NSD1: variants seen among roughly 807,000 people sequenced by gnomAD.
NSD1 encodes the protein nuclear receptor binding SET domain protein 1, also known as histone-lysine N-methyltransferase, H3 lysine-36 specific.
Under a neutral mutation model 242.7 loss-of-function variants are expected in NSD1, and 26 were observed. The ratio of observed to expected loss-of-function variants is 0.11; its 90% CI spans 0.08 to 0.15. The LOEUF is 0.15. Among genes scored for constraint, NSD1 ranks in the 10% least tolerant of loss-of-function variants. The probability of loss-of-function intolerance (pLI) is 1.00; values close to 1 mark genes in which losing one functional copy is unlikely to be tolerated. For missense variants in NSD1, 2,495 were observed against 3,272.8 expected, an observed-to-expected ratio of 0.76 and a Z score of 5.80; for synonymous variants, 1,106 against 1,178.1, an observed-to-expected ratio of 0.94 and a Z score of 1.25.
intron 2 of NSD1, among the ~76,000 whole-genome samples, chr5:177,151,337 T>C (rs1757679870): frequency 6.6e-6 from 1 of 152,244 alleles, no homozygotes; most frequent in Non-Finnish European, 1.5e-5. Context: ...TGAGCCAAGA[T>C]TGTGCCATTG....
intron 2 of NSD1, among the ~76,000 whole-genome samples, chr5:177,158,245 C>CTT (rs1393517942): frequency 1.9e-5 from 1 of 53,272 alleles, no homozygotes; most frequent in Non-Finnish European, 3.9e-5. Context: ...TAATTTCTTT[C>CTT]TTTCTTTCTT....
intron 2 of NSD1, among the ~76,000 whole-genome samples, chr5:177,172,149 A>G (rs1759763891): frequency 6.6e-6 from 1 of 152,196 alleles, no homozygotes; most frequent in Admixed American, 6.6e-5. Context: ...CTTGAAGTTC[A>G]TGACGACTCC....
chr5:177,131,991 G>T (rs951231784), upstream of NSD1, among the ~76,000 whole-genome samples: 1 of 152,222 alleles, frequency 6.6e-6, no homozygotes, highest in East Asian at 1.9e-4. Flanking sequence ...GCTGGGGGAA[G>T]GGCCCGAGGG....
intron 5 of NSD1, among the ~76,000 whole-genome samples, chr5:177,224,556 ATC>A (rs901338302): frequency 6.7e-4 from 102 of 151,804 alleles, no homozygotes; most frequent in African/African-American, 2.4e-3. Flanking sequence ...TGCTGAACTC[ATC>A]TCTGTTAATT....
rs770206551 is a variant in NSD1, at chr5:177,247,566, A to T, written c.4498-615A>T. Among the ~76,000 whole-genome samples the T allele has an allele frequency of 9.5e-3, 1,099 of 115,164 alleles. 11 individuals carry two copies. Among genetic ancestry groups the T allele is most frequent in the Middle Eastern group, 0.047 (11 of 236 alleles). The allele number at this position is 115,164 out of a possible 152,430, so 75.6% of individuals were successfully genotyped here. ...ATACAGTGAGACCTTGTCTCTACTT[A>T]AAAAAAAAAAAAAAAAAATCGAGAC... On this transcript the variant is annotated intron_variant, in intron 10 of 22. Transcript: ENST00000439151.
At chr5:177,216,502 A>C (rs1022937410) in intron 5 of NSD1, among the ~76,000 whole-genome samples, 10 of 151,936 alleles carry the variant, frequency 6.6e-5, no homozygotes. Context: ...TTTTATGATA[A>C]TTTTTATGTA....
intron 2 of NSD1, among the ~76,000 whole-genome samples, chr5:177,142,159 C>G (rs1422812871): frequency 6.6e-6 from 1 of 152,164 alleles, no homozygotes; most frequent in Non-Finnish European, 1.5e-5. Context: ...GAACCCATCT[C>G]TTTTATTGCC....
At chr5:177,162,313 T>C (rs1758824506) in intron 2 of NSD1, among the ~76,000 whole-genome samples, 1 of 150,530 alleles carries the variant, frequency 6.6e-6, no homozygotes, top group South Asian at 2.1e-4. Context: ...AAAAAAAAAA[T>C]CTAGTTGAAA....
At chr5:177,149,579 C>T (rs1317454635) in intron 2 of NSD1, among the ~76,000 whole-genome samples, 1 of 152,084 alleles carries the variant, frequency 6.6e-6, no homozygotes, top group Non-Finnish European at 1.5e-5. Flanking sequence ...CACCAGGGAC[C>T]AAATTCCTGG....
chr5:177,212,269 G>A (rs2149850106), intron 5 of NSD1, 74 bp downstream of exon 5: 1 of 1,486,322 alleles, frequency 6.7e-7, no homozygotes, highest in East Asian at 2.4e-5. Flanking sequence ...TCTGAAATTG[G>A]TCTGTTGTAA....
chr5:177,186,181 C>T (rs1761217952), intron 2 of NSD1, among the ~76,000 whole-genome samples: 1 of 138,760 alleles, frequency 7.2e-6, no homozygotes, highest in African/African-American at 2.7e-5. Context: ...GTCCCAACTA[C>T]CTGGGAGCCT....
intron 16 of NSD1, among the ~76,000 whole-genome samples, chr5:177,273,218 TTGTC>T (rs1365886475): frequency 4.5e-4 from 68 of 151,520 alleles, no homozygotes; most frequent in Non-Finnish European, 8.1e-4. Flanking sequence ...TAACGCACAG[TTGTC>T]TAATCTTTTG....
Position 177,191,364 on chromosome 5 carries a change from A to C in NSD1, c.928-520A>C, listed in dbSNP as rs570007915. On this transcript the variant is annotated intron_variant, in intron 2 of 22. Transcript: ENST00000439151. ...GGCTTATGTCTGAAAGTAAAGTGTT[A>C]GCTGGGACTACAGGCATGTGCCACC... Among the ~76,000 whole-genome samples the C allele has an allele frequency of 2.0e-5, 3 of 152,290 alleles. No individual in the cohort carries two copies. The East Asian group carries it at 5.8e-4, about 29-fold the overall frequency.
intron 2 of NSD1, among the ~76,000 whole-genome samples, chr5:177,146,833 G>T (rs58211722): frequency 6.6e-6 from 1 of 151,144 alleles, no homozygotes; most frequent in Admixed American, 6.6e-5. Flanking sequence ...GTGAAACCCC[G>T]TGTCTACTAA....
At position 177,267,682 on chromosome 5, in the gene NSD1, A is replaced by G; in HGVS notation, c.5267A>G (p.Tyr1756Cys). The change falls in exon 15 of 23, where the codon TAC (tyrosine) becomes TGC (cysteine). Residue 1756 changes from tyrosine to cysteine, a missense_variant. Coordinates refer to ENST00000439151, the MANE Select transcript of NSD1 (RefSeq NM_022455.5). The part of the protein sequence containing the change: ...NDCKAGKKPH[Y>C]REIVWVKVGR... The stretch of plus-strand genomic sequence containing the variant: ...TGTAAAGCAGGCAAAAAGCCACACT[A>G]CAGGGAGATTGTCTGGGTAAAAGTT... The G allele has an allele frequency of 3.1e-6, 5 of 1,614,066 alleles. No homozygotes were observed. The highest frequency in any genetic ancestry group is 3.4e-6 in the Non-Finnish European group (4 of 1,179,976).
chr5:177,215,342 A>G (rs1179653465), intron 5 of NSD1, among the ~76,000 whole-genome samples: 1 of 151,232 alleles, frequency 6.6e-6, no homozygotes, highest in Non-Finnish European at 1.5e-5. Flanking sequence ...ACGCCTAGCT[A>G]ACTTTGTATT....
intron 2 of NSD1, among the ~76,000 whole-genome samples, chr5:177,190,988 T>C (rs895438122): frequency 8.4e-5 from 12 of 142,350 alleles, no homozygotes; most frequent in African/African-American, 3.2e-4. Context: ...TTTCTTTTTT[T>C]TTTTTGAAGA....
intron 13 of NSD1, among the ~76,000 whole-genome samples, chr5:177,259,755 G>GT (rs1240001943): frequency 6.6e-6 from 1 of 152,120 alleles, no homozygotes; most frequent in Non-Finnish European, 1.5e-5. Context: ...GCTTTCCCTT[G>GT]TTGAAGCAGG....
At chr5:177,175,863 T>C (rs907167618) in intron 2 of NSD1, among the ~76,000 whole-genome samples, 5 of 152,154 alleles carry the variant, frequency 3.3e-5, no homozygotes, top group Non-Finnish European at 7.4e-5. Flanking sequence ...ATAAACATTA[T>C]TCGATTGCAA....
Sources: gnomAD v4.1 joint callset for allele counts (sites outside exome capture counted in the v4.1 genomes callset) on GRCh38, gnomAD v4.1.1 for gene constraint, MANE v1.5 for transcripts, NCBI Gene and HGNC (gene_info 2026-07-23, HGNC 2026-07-21) for gene names.